The following SCLT1 variants were observed in gnomAD, a reference collection of about 807,000 sequenced individuals.
SCLT1 encodes the protein sodium channel-associated protein 1.
SCLT1 carries 78 observed loss-of-function variants against 112.8 expected under a neutral mutation model. The ratio of observed to expected loss-of-function variants is 0.69; its 90% confidence interval spans 0.58 to 0.83. SCLT1 has a LOEUF of 0.83. Among genes scored for constraint, SCLT1 ranks in the 40% least tolerant of loss-of-function variants. SCLT1 has a pLI of 0.00. For missense variants in SCLT1, 747 were observed against 770.4 expected (o/e 0.97, Z 0.36); for synonymous variants, 257 against 254.7 (o/e 1.01, Z -0.09).
intron 4 of SCLT1, among the ~76,000 whole-genome samples, chr4:129,040,488 T>C (rs1289329468): frequency 6.6e-6 from 1 of 152,234 alleles, no homozygotes; most frequent in African/African-American, 2.4e-5. Flanking sequence ...TCTTTAAAAG[T>C]TGCAAAACTA....
At chr4:128,919,396 C>T (rs966850616) in intron 18 of SCLT1, among the ~76,000 whole-genome samples, 1 of 151,908 alleles carries the variant, frequency 6.6e-6, no homozygotes, top group Non-Finnish European at 1.5e-5. Flanking sequence ...TACAACATAC[C>T]AGAATCTTGG....
intron 5 of SCLT1, among the ~76,000 whole-genome samples, chr4:129,013,716 T>A (rs562636389): frequency 6.6e-6 from 1 of 152,280 alleles, no homozygotes; most frequent in African/African-American, 2.4e-5. Flanking sequence ...GACCTCATCT[T>A]TCTCTCTAAG....
chr4:128,919,793 A>G (rs944129281), intron 18 of SCLT1, among the ~76,000 whole-genome samples: 1 of 152,172 alleles, frequency 6.6e-6, no homozygotes, highest in Non-Finnish European at 1.5e-5. Flanking sequence ...CACAAACCAG[A>G]AAACCTAGAA....
At chr4:129,012,743 T>C (rs1367145364) in intron 5 of SCLT1, among the ~76,000 whole-genome samples, 1 of 152,072 alleles carries the variant, frequency 6.6e-6, no homozygotes, top group African/African-American at 2.4e-5. Context: ...TAGATCTTCT[T>C]GTTGAATTGA....
chr4:128,954,602 C>T (rs35501727), intron 13 of SCLT1, among the ~76,000 whole-genome samples: 13,396 of 152,098 alleles, frequency 0.088, 749 homozygotes, highest in South Asian at 0.15. Context: ...CGTGAGCCAC[C>T]GTGCCCGGCC....
intron 4 of SCLT1, chr4:129,039,935 AC>A: frequency 2.3e-5 from 11 of 473,608 alleles, no homozygotes; most frequent in Admixed American, 3.3e-5. Flanking sequence ...CACACACAAA[AC>A]CCTGAATTTA....
Position 128,970,401 on chromosome 4 carries a change from G to A in SCLT1, c.754C>T (p.Leu252=). 6 of 1,599,014 alleles carry A rather than the reference G, an allele frequency of 3.8e-6. No homozygotes were observed. Among genetic ancestry groups the A allele is most frequent in the East Asian group, 2.2e-5 (1 of 44,666 alleles). The change falls in exon 10 of 21, where the codon CTG becomes TTG. Residue 252 remains leucine (L), a synonymous_variant. Transcript: ENST00000281142. The part of the protein sequence containing the change: ...VEELTNVTED[L]QGQMKKKEKD... Reference sequence around the variant, plus strand: ...ACCTTCTTTTTCATCTGTCCCTGCAGATCTTCAGTCACATTAGTTAACTCT... The same window carrying A: ...ACCTTCTTTTTCATCTGTCCCTGCAAATCTTCAGTCACATTAGTTAACTCT...
chr4:129,069,723 T>C (rs1469169664), intron 2 of SCLT1, among the ~76,000 whole-genome samples: 1 of 152,180 alleles, frequency 6.6e-6, no homozygotes, highest in Non-Finnish European at 1.5e-5. Context: ...CACTTCCTCT[T>C]TGCCAATCTG....
chr4:129,030,877 A>G (rs1392380048), intron 5 of SCLT1, among the ~76,000 whole-genome samples: 1 of 151,756 alleles, frequency 6.6e-6, no homozygotes, highest in Non-Finnish European at 1.5e-5. Flanking sequence ...TTCTACATCA[A>G]TATTCTGTTG....
chr4:128,941,288 G>A (rs1398110489), intron 17 of SCLT1, among the ~76,000 whole-genome samples: 1 of 151,994 alleles, frequency 6.6e-6, no homozygotes, highest in Admixed American at 6.6e-5. Flanking sequence ...ATCTATCAAA[G>A]TTCTAATTGC....
At chr4:129,017,546 T>C (rs564750669) in intron 5 of SCLT1, among the ~76,000 whole-genome samples, 1 of 151,802 alleles carries the variant, frequency 6.6e-6, no homozygotes, top group African/African-American at 2.4e-5. Flanking sequence ...CATTATTTTT[T>C]ATGTATGGTT....
chr4:128,997,791 G>T, intron 8 of SCLT1, 83 bp downstream of exon 8: 1 of 643,028 alleles, frequency 1.6e-6, no homozygotes, highest in Non-Finnish European at 2.5e-6. Context: ...CGTGCAGCAT[G>T]CTTATTGTTG....
intron 2 of SCLT1, among the ~76,000 whole-genome samples, chr4:129,056,867 T>C (rs557571039): frequency 3.3e-5 from 5 of 152,324 alleles, no homozygotes; most frequent in Non-Finnish European, 7.3e-5. Flanking sequence ...CCATACTAAG[T>C]TGAATACAAA....
chr4:128,969,526 C>G (rs1036196989), intron 10 of SCLT1, among the ~76,000 whole-genome samples: 2 of 152,082 alleles, frequency 1.3e-5, no homozygotes, highest in Non-Finnish European at 2.9e-5. Context: ...GAGCCGAGAT[C>G]AAGCCACTGC....
At chr4:128,983,919 T>C (rs775816688) in intron 9 of SCLT1, among the ~76,000 whole-genome samples, 2 of 152,194 alleles carry the variant, frequency 1.3e-5, no homozygotes, top group Non-Finnish European at 2.9e-5. Context: ...AATGTCAATA[T>C]GCCCATCATT....
At chr4:129,013,607 T>C (rs1488354495) in intron 5 of SCLT1, among the ~76,000 whole-genome samples, 1 of 152,182 alleles carries the variant, frequency 6.6e-6, no homozygotes, top group Non-Finnish European at 1.5e-5. Context: ...GCTTGGAATT[T>C]CTTTTGAGAA....
intron 18 of SCLT1, among the ~76,000 whole-genome samples, chr4:128,906,599 C>A (rs956810978): frequency 6.6e-6 from 1 of 152,178 alleles, no homozygotes. Context: ...AGATCCTTCA[C>A]AGGAAGCTTA....
chr4:129,087,079 G>C (rs1002734246), intron 1 of SCLT1, among the ~76,000 whole-genome samples: 2 of 152,042 alleles, frequency 1.3e-5, no homozygotes, highest in South Asian at 2.1e-4. Flanking sequence ...GCCATGACAC[G>C]GGGGGAGGAA....
chr4:128,943,532 G>A (rs139036346), intron 16 of SCLT1, among the ~76,000 whole-genome samples: 2,004 of 152,062 alleles, frequency 0.013, 56 homozygotes, highest in African/African-American at 0.046. Flanking sequence ...AGGATGAAGC[G>A]GATAATAACC....
Sources: gnomAD v4.1 joint callset for allele counts (sites outside exome capture counted in the v4.1 genomes callset) on GRCh38, gnomAD v4.1.1 for gene constraint, MANE v1.5 for transcripts, NCBI Gene and HGNC (gene_info 2026-07-23, HGNC 2026-07-21) for gene names.